The following SLC36A3 variants were observed in gnomAD, a reference collection of about 807,000 sequenced individuals.
The protein encoded by SLC36A3 is proton-coupled amino acid transporter 3.
A neutral mutation model predicts 44.3 loss-of-function variants in SLC36A3; 35 were observed. The observed-to-expected ratio is 0.79, with a 90% CI of 0.60 to 1.05. SLC36A3 has a LOEUF of 1.05. SLC36A3 is among the 50% of genes least tolerant of loss of function. The pLI, the probability that SLC36A3 is intolerant of heterozygous loss-of-function variation, is 0.00. For missense variants in SLC36A3, 540 were observed against 578.7 expected (o/e 0.93, Z 0.69); for synonymous variants, 211 against 227.6 (o/e 0.93, Z 0.66).
chr5:151,294,287 A>G (rs10059429), intron 3 of SLC36A3, among the ~76,000 whole-genome samples: 9,803 of 152,230 alleles, frequency 0.064, 999 homozygotes, highest in African/African-American at 0.22. Context: ...GTTACTGCTC[A>G]CCGTGATAGG....
intron 1 of SLC36A3, 43 bp downstream of exon 1, chr5:151,303,184 C>T: frequency 1.9e-6 from 3 of 1,581,496 alleles, no homozygotes; most frequent in African/African-American, 1.3e-5. Context: ...GCAAAAACAG[C>T]AGTGCTTGAC....
chr5:151,278,697 C>T (rs1754195018), intron 9 of SLC36A3, among the ~76,000 whole-genome samples: 1 of 152,162 alleles, frequency 6.6e-6, no homozygotes, highest in Admixed American at 6.5e-5. Flanking sequence ...ATTGCTCTGA[C>T]ACATCCAGTC....
chr5:151,298,916 A>T (rs1755054566), intron 1 of SLC36A3, among the ~76,000 whole-genome samples: 1 of 152,146 alleles, frequency 6.6e-6, no homozygotes, highest in Admixed American at 6.5e-5. Flanking sequence ...TAGGCTCTAA[A>T]GGAAATAAAA....
chr5:151,289,230 G>A (rs1328347717), intron 4 of SLC36A3, among the ~76,000 whole-genome samples: 1 of 151,596 alleles, frequency 6.6e-6, no homozygotes, highest in African/African-American at 2.4e-5. Context: ...TCATTCATTG[G>A]TATCCAAGAC....
intron 2 of SLC36A3, chr5:151,298,082 T>A (rs6898671): frequency 0.5 from 76,038 of 152,374 alleles, 21,039 homozygotes; most frequent in African/African-American, 0.74. Context: ...CATAAGAAAG[T>A]GTAAAGTTTT....
intron 4 of SLC36A3, among the ~76,000 whole-genome samples, chr5:151,291,569 TC>T (rs1008409314): frequency 1.3e-5 from 2 of 152,166 alleles, no homozygotes; most frequent in African/African-American, 4.8e-5. Flanking sequence ...TGTTCCTCTA[TC>T]CCCCGTGCTT....
At chr5:151,287,026 G>C (rs902033241) in intron 6 of SLC36A3, among the ~76,000 whole-genome samples, 1 of 108,004 alleles carries the variant, frequency 9.3e-6, no homozygotes, top group Non-Finnish European at 1.8e-5. Context: ...CCAATGTGAC[G>C]ATGATGATGA....
At position 151,277,718 on chromosome 5, in the gene SLC36A3, T is replaced by G; in HGVS notation, c.1145-57A>C. The G allele has an allele frequency of 1.9e-6, 3 of 1,562,018 alleles. No individual in the cohort carries two copies. In the South Asian group the frequency reaches 3.5e-5, roughly 18 times the overall value. On this transcript the variant is annotated intron_variant, in intron 9 of 9. Transcript: ENST00000335230. Reference sequence around the variant, plus strand: ...AATGTGCTCAGAAACAAGCCATTGCTTTGGAGCCCTAGAATTTCACAGACA... The same window carrying G: ...AATGTGCTCAGAAACAAGCCATTGCGTTGGAGCCCTAGAATTTCACAGACA...
At chr5:151,279,893 C>T (rs1010934429) in intron 9 of SLC36A3, among the ~76,000 whole-genome samples, 2 of 152,200 alleles carry the variant, frequency 1.3e-5, no homozygotes, top group African/African-American at 4.8e-5. Flanking sequence ...TCTCCCTTCA[C>T]TTTTACAATA....
intron 7 of SLC36A3, 108 bp downstream of exon 7, chr5:151,284,505 T>C: frequency 1.1e-6 from 1 of 874,264 alleles, no homozygotes; most frequent in Non-Finnish European, 1.8e-6. Context: ...CAGGAGAAGA[T>C]CAGAGTCTGC....
chr5:151,287,404 T>A lies in SLC36A3; in HGVS notation c.550A>T (p.Thr184Ser), dbSNP rs1754580377. The change falls in exon 6 of 10, where the codon ACC becomes TCC. Residue 184 changes from threonine (T) to serine (S), a missense_variant. Transcript: ENST00000335230. Reference protein sequence around the residue: ...ICQPREILTLTPILDIRFYML... With the variant: ...ICQPREILTLSPILDIRFYML... ...TAGAAACGAATGTCCAGGATGGGGG[T>A]CAGCGTCAGAATCTCCCTGGGCTGG... 4 of 1,613,740 alleles carry A rather than the reference T, an allele frequency of 2.5e-6. No homozygotes were observed. The highest frequency in any genetic ancestry group is 3.4e-6 in the Non-Finnish European group (4 of 1,179,832).
chr5:151,289,802 AG>A (rs1471324134), intron 4 of SLC36A3, among the ~76,000 whole-genome samples: 1 of 152,118 alleles, frequency 6.6e-6, no homozygotes, highest in Non-Finnish European at 1.5e-5. Context: ...TCATATTGGG[AG>A]GCACATGATA....
intron 2 of SLC36A3, chr5:151,297,136 A>G (rs1754986690): frequency 6.6e-6 from 1 of 152,226 alleles, no homozygotes; most frequent in African/African-American, 2.4e-5. Context: ...GTTTGCTTCT[A>G]TATTCCCAGG....
At chr5:151,300,781 A>G (rs1387491047) in intron 1 of SLC36A3, among the ~76,000 whole-genome samples, 1 of 152,242 alleles carries the variant, frequency 6.6e-6, no homozygotes, top group East Asian at 1.9e-4. Flanking sequence ...TATAAAAGGA[A>G]ATTCCAAAAT....
At chr5:151,288,606 T>A (rs1277851199) in intron 4 of SLC36A3, 136 bp from the exon 5 acceptor site, 4 of 687,988 alleles carry the variant, frequency 5.8e-6, no homozygotes, top group Non-Finnish European at 8.9e-6. Context: ...TTTTGAAAAA[T>A]TTTTAAGCCA....
In SLC36A3 at chr5:151,277,713, A is replaced by G. The variant is rs759931010; in HGVS notation, c.1145-52T>C. The G allele has an allele frequency of 3.8e-6, 6 of 1,572,154 alleles. No homozygotes were observed. The African/African-American group carries it at 5.4e-5, about 14-fold the overall frequency. On this transcript the variant is annotated intron_variant, in intron 9 of 9. Transcript: ENST00000335230. ...CACTGAATGTGCTCAGAAACAAGCC[A>G]TTGCTTTGGAGCCCTAGAATTTCAC...
At chr5:151,302,899 G>A (rs1755210430) in intron 1 of SLC36A3, among the ~76,000 whole-genome samples, 1 of 151,470 alleles carries the variant, frequency 6.6e-6, no homozygotes, top group South Asian at 2.1e-4. Flanking sequence ...GATGTGTGAG[G>A]AGAAGAAGGC....
rs575570768 is a variant in SLC36A3 at position 151,294,699 on chromosome 5, G to A, written c.309-1240C>T. Among the ~76,000 whole-genome samples the A allele has an allele frequency of 9.9e-5, 15 of 151,622 alleles. No homozygotes were observed. In the South Asian group the frequency reaches 3.1e-3, roughly 32 times the overall value. ...GGCTGGAGTGCAAGGGTGCGATCTC[G>A]GCTCACCAAAACCTCCGCCTCCCGG... On this transcript the variant is annotated intron_variant, in intron 3 of 9. Transcript: ENST00000335230.
chr5:151,277,207 A>T lies in SLC36A3; in HGVS notation c.*186T>A. 1.3e-6 allele frequency: 1 copy of T among 789,034 alleles called. No individual in the cohort carries two copies. The highest frequency in any genetic ancestry group is 1.9e-6 in the Non-Finnish European group (1 of 518,904). 48.9% of individuals were successfully genotyped at this position (789,034 alleles called of 1,614,324 possible). On this transcript the variant is annotated 3_prime_UTR_variant, in exon 10 of 10. Transcript: ENST00000335230. ...TACAAAAGGCCATCCAAAAAATATA[A>T]AACCAAAAGAGGTGTAGCCTGAGAG...
Sources: gnomAD v4.1 joint callset for allele counts (sites outside exome capture counted in the v4.1 genomes callset) on GRCh38, gnomAD v4.1.1 for gene constraint, MANE v1.5 for transcripts, NCBI Gene and HGNC (gene_info 2026-07-23, HGNC 2026-07-21) for gene names.